Variants in EDNRA observed in about 807,000 individuals in gnomAD.
EDNRA encodes endothelin receptor type A.
A neutral mutation model predicts 41.4 loss-of-function variants in EDNRA; 11 were observed. That is an observed-to-expected ratio of 0.27 (90% CI 0.17 to 0.44). The LOEUF (loss-of-function observed/expected upper bound fraction) is 0.44. Among genes scored for constraint, EDNRA ranks in the 20% least tolerant of loss-of-function variants. EDNRA has a pLI of 1.00. For missense variants in EDNRA, 294 were observed against 531.0 expected (o/e 0.55, Z 4.39); for synonymous variants, 172 against 183.0 (o/e 0.94, Z 0.49).
intron 7 of EDNRA, among the ~76,000 whole-genome samples, chr4:147,542,259 A>G (rs1267944451): frequency 2.0e-5 from 3 of 152,210 alleles, no homozygotes; most frequent in African/African-American, 4.8e-5. Context: ...TGGTAATAAA[A>G]TTAAAATGAG....
intron 3 of EDNRA, chr4:147,520,525 G>A (rs527874441): frequency 1.8e-5 from 9 of 511,992 alleles, no homozygotes; most frequent in East Asian, 5.5e-5. Flanking sequence ...TCCAGAATCC[G>A]CACGCATGAT....
intron 2 of EDNRA, among the ~76,000 whole-genome samples, chr4:147,514,510 G>A (rs183313721): frequency 6.6e-4 from 100 of 151,916 alleles, no homozygotes; most frequent in Non-Finnish European, 1.1e-3. Context: ...TTTCACTCTC[G>A]TTGCCCAGGC....
rs2292765 is a variant in EDNRA at position 147,540,226 on chromosome 4, G to A, written c.1035-151G>A. 0.28 allele frequency: 215,876 copies of A among 766,582 alleles called. 35,597 individuals carry two copies. Among genetic ancestry groups the A allele is most frequent in the African/African-American group, 0.64 (35,919 of 56,492 alleles). 47.5% of individuals were successfully genotyped at this position (766,582 alleles called of 1,614,324 possible). A position where few individuals can be genotyped will look rare whatever the true frequency, so the allele number is the denominator to read the frequency against. ...ACTGTCCTGCAAAACTGAAACTGCC[G>A]TTTAAACAAGCACTTTTTACAAAAT... On this transcript the variant is annotated intron_variant, in intron 6 of 7. Coordinates refer to ENST00000651419, the MANE Select transcript of EDNRA (RefSeq NM_001957.4).
chr4:147,500,693 G>C (rs1729486807), intron 2 of EDNRA, among the ~76,000 whole-genome samples: 1 of 147,438 alleles, frequency 6.8e-6, no homozygotes, highest in Non-Finnish European at 1.5e-5. Flanking sequence ...AGCTTGGAAG[G>C]AAAAAAAAAT....
chr4:147,499,566 C>G (rs1729436386), intron 2 of EDNRA, among the ~76,000 whole-genome samples: 1 of 152,188 alleles, frequency 6.6e-6, no homozygotes, highest in South Asian at 2.1e-4. Flanking sequence ...AACCACAATT[C>G]ACATGTTTTC....
chr4:147,515,556 G>A (rs767678069), intron 2 of EDNRA, among the ~76,000 whole-genome samples: 1 of 152,134 alleles, frequency 6.6e-6, no homozygotes, highest in Non-Finnish European at 1.5e-5. Context: ...AGCACAATAA[G>A]AGCTAAGCTT....
intron 3 of EDNRA, among the ~76,000 whole-genome samples, chr4:147,523,719 T>C (rs983976766): frequency 2.6e-5 from 4 of 152,160 alleles, no homozygotes; most frequent in African/African-American, 9.6e-5. Flanking sequence ...TTCGATCTCC[T>C]GATCTCGTGA....
In EDNRA at chr4:147,485,874, A is replaced by G. The variant is rs369301823; in HGVS notation, c.193A>G (p.Met65Val). ...TTTGGTCCTACCCAGCAATGGCTCA[A>G]TGCACAACTATTGCCCACAGCAGAC... ...TNLVLPSNGS[M>V]HNYCPQQTKI... The change falls in exon 2 of 8, where the codon ATG becomes GTG. Residue 65 changes from methionine to valine, a missense_variant. By Grantham distance (21) the Met-to-Val change is conservative. Transcript: ENST00000651419. The G allele has an allele frequency of 1.4e-5, 23 of 1,614,256 alleles. No individual in the cohort carries two copies. The highest frequency in any genetic ancestry group is 2.2e-5 in the East Asian group (1 of 44,888).
At chr4:147,524,081 A>G (rs1438619697) in intron 3 of EDNRA, among the ~76,000 whole-genome samples, 1 of 152,188 alleles carries the variant, frequency 6.6e-6, no homozygotes, top group Non-Finnish European at 1.5e-5. Flanking sequence ...AAAGAATGGT[A>G]GAAATGCTGG....
At chr4:147,506,530 A>T (rs2126421806) in intron 2 of EDNRA, 1 of 277,682 alleles carries the variant, frequency 3.6e-6, no homozygotes, top group East Asian at 9.9e-5. Context: ...AGGAAAGAGA[A>T]AACAGATGGA....
chr4:147,502,934 G>T (rs766363568), intron 2 of EDNRA, among the ~76,000 whole-genome samples: 1 of 152,068 alleles, frequency 6.6e-6, no homozygotes, highest in Non-Finnish European at 1.5e-5. Context: ...ATAACTTCAT[G>T]TAGTATGAAT....
intron 2 of EDNRA, among the ~76,000 whole-genome samples, chr4:147,516,176 T>C (rs1482399549): frequency 2.0e-5 from 3 of 152,228 alleles, no homozygotes; most frequent in Non-Finnish European, 4.4e-5. Flanking sequence ...GAGAACATGA[T>C]GTACATTTAG....
intron 2 of EDNRA, chr4:147,496,157 C>T (rs979139773): frequency 2.0e-5 from 3 of 152,028 alleles, no homozygotes; most frequent in African/African-American, 7.2e-5. Flanking sequence ...CTGCATCCCA[C>T]GTAAGTTTTA....
At chr4:147,497,906 T>TA (rs1729372596) in intron 2 of EDNRA, among the ~76,000 whole-genome samples, 1 of 152,174 alleles carries the variant, frequency 6.6e-6, no homozygotes, top group Admixed American at 6.5e-5. Flanking sequence ...AACACAAAGA[T>TA]ACTATTTTTA....
At chr4:147,498,085 A>G (rs1485476961) in intron 2 of EDNRA, among the ~76,000 whole-genome samples, 1 of 152,220 alleles carries the variant, frequency 6.6e-6, no homozygotes, top group African/African-American at 2.4e-5. Context: ...TGCATTTGCA[A>G]CATCCCAAAA....
chr4:147,530,572 T>C (rs1390687154), intron 3 of EDNRA, among the ~76,000 whole-genome samples: 1 of 152,242 alleles, frequency 6.6e-6, no homozygotes, highest in Non-Finnish European at 1.5e-5. Flanking sequence ...TAAAAATCTT[T>C]TATAAAACAT....
At chr4:147,542,453 ACTT>A in intron 7 of EDNRA, 22 bp from the exon 8 acceptor site, 1 of 1,613,732 alleles carries the variant, frequency 6.2e-7, no homozygotes, top group Non-Finnish European at 8.5e-7. Flanking sequence ...GGCTCGCCTT[ACTT>A]CGAGTCTGTT....
intron 3 of EDNRA, among the ~76,000 whole-genome samples, chr4:147,527,757 T>C (rs1008392413): frequency 6.6e-6 from 1 of 152,214 alleles, no homozygotes; most frequent in African/African-American, 2.4e-5. Context: ...ATATATTTTA[T>C]ACTTTTATTT....
intron 2 of EDNRA, among the ~76,000 whole-genome samples, chr4:147,518,246 C>T (rs1196896428): frequency 2.0e-5 from 3 of 152,144 alleles, no homozygotes; most frequent in Admixed American, 2.0e-4. Flanking sequence ...TATGTCTTTA[C>T]TTGCACCAAG....
Sources: allele counts gnomAD v4.1 joint callset (sites outside exome capture counted in the v4.1 genomes callset), GRCh38; gene constraint gnomAD v4.1.1; transcripts MANE v1.5; gene names NCBI Gene and HGNC (gene_info 2026-07-23, HGNC 2026-07-21).